ANK2: variants seen among roughly 807,000 people sequenced by gnomAD.
ANK2 encodes ankyrin-2.
ANK2 carries 83 observed loss-of-function variants against 360.5 expected under a neutral mutation model. The observed-to-expected ratio is 0.23, with a 90% confidence interval of 0.19 to 0.28. ANK2 has a LOEUF of 0.28. Ranked by LOEUF, ANK2 falls within the 10% of genes least tolerant of loss-of-function variation. The probability of loss-of-function intolerance (pLI) is 1.00; values close to 1 mark genes in which losing one functional copy is unlikely to be tolerated. For missense variants in ANK2, 4,201 were observed against 4,795.7 expected, an observed-to-expected ratio of 0.88 and a Z score of 3.66; for synonymous variants, 1,740 against 1,759.5, an observed-to-expected ratio of 0.99 and a Z score of 0.28.
intron 1 of ANK2, among the ~76,000 whole-genome samples, chr4:113,073,389 A>G (rs917975282): frequency 6.6e-6 from 1 of 152,152 alleles, no homozygotes; most frequent in Non-Finnish European, 1.5e-5. Flanking sequence ...TTAGACTTCT[A>G]CTAAATAAAA....
chr4:113,027,704 T>G (rs1388764127), intron 2 of ANK2, among the ~76,000 whole-genome samples: 14 of 152,168 alleles, frequency 9.2e-5, no homozygotes, highest in Admixed American at 9.2e-4. Context: ...CCTGCTGGCC[T>G]ATTATTTGCA....
chr4:113,202,506 A>G (rs72898029), intron 4 of ANK2, among the ~76,000 whole-genome samples: 7 of 152,334 alleles, frequency 4.6e-5, no homozygotes, highest in African/African-American at 1.7e-4. Flanking sequence ...CATAATTTAA[A>G]CCACTGAAAT....
chr4:112,976,243 G>A (rs2041364174), intron 2 of ANK2, among the ~76,000 whole-genome samples: 1 of 151,722 alleles, frequency 6.6e-6, no homozygotes, highest in Non-Finnish European at 1.5e-5. Flanking sequence ...ATCCAGGCTG[G>A]AATGCAGGGG....
At chr4:112,783,029 C>T in the ANK2 span, among the ~76,000 whole-genome samples, 1 of 152,060 alleles carries the variant, frequency 6.6e-6, no homozygotes, top group Non-Finnish European at 1.5e-5. Context: ...CTTGCTTCAG[C>T]CTCCCGAGTA....
intron 2 of ANK2, among the ~76,000 whole-genome samples, chr4:112,985,256 A>G (rs953497845): frequency 6.6e-6 from 1 of 152,210 alleles, no homozygotes; most frequent in Non-Finnish European, 1.5e-5. Flanking sequence ...TGAGTGTGTC[A>G]GCAAACTTGT....
At chr4:112,797,141 T>A in the ANK2 span, 2 of 189,742 alleles carry the variant, frequency 1.1e-5, no homozygotes, top group African/African-American at 4.7e-5. Context: ...CTAAGGGCAA[T>A]TTTTTTCTCC....
the ANK2 span, among the ~76,000 whole-genome samples, chr4:112,804,326 A>G: frequency 6.6e-6 from 1 of 152,116 alleles, no homozygotes; most frequent in Admixed American, 6.6e-5. Context: ...GGCCAATCTC[A>G]CAGTTTTTAA....
the ANK2 span, among the ~76,000 whole-genome samples, chr4:112,785,383 T>G: frequency 3.4e-5 from 5 of 148,842 alleles, no homozygotes; most frequent in Non-Finnish European, 7.4e-5. Flanking sequence ...CTTTTTTTCC[T>G]TTTTTTTTGA....
chr4:113,219,688 AGAT>A (rs201671384), intron 4 of ANK2, among the ~76,000 whole-genome samples: 4,242 of 152,274 alleles, frequency 0.028, 96 homozygotes, highest in East Asian at 0.067. Flanking sequence ...TTTTCTCTGC[AGAT>A]GATGTGTCTC....
chr4:113,072,625 G>A (rs1327375727), intron 1 of ANK2, among the ~76,000 whole-genome samples: 2 of 152,092 alleles, frequency 1.3e-5, no homozygotes, highest in Non-Finnish European at 2.9e-5. Context: ...TGTGTACGGA[G>A]GTTCTGAATT....
chr4:112,903,704 C>A (rs1030179835), intron 1 of ANK2, among the ~76,000 whole-genome samples: 3 of 152,152 alleles, frequency 2.0e-5, no homozygotes, highest in African/African-American at 7.2e-5. Context: ...CTTGTCCAAT[C>A]TCTTGATATT....
the ANK2 span, among the ~76,000 whole-genome samples, chr4:112,786,793 G>C: frequency 6.9e-6 from 1 of 143,904 alleles, no homozygotes; most frequent in Non-Finnish European, 1.5e-5. Flanking sequence ...TTGTCGCACA[G>C]GCTGGAGTGC....
the ANK2 span, among the ~76,000 whole-genome samples, chr4:112,742,394 CTA>C: frequency 2.5e-5 from 3 of 117,738 alleles, no homozygotes; most frequent in East Asian, 3.2e-4. Flanking sequence ...TCACTGAATT[CTA>C]TGTGTGTGTG....
chr4:113,051,271 G>T (rs867402511), intron 1 of ANK2, among the ~76,000 whole-genome samples: 1 of 152,092 alleles, frequency 6.6e-6, no homozygotes, highest in East Asian at 1.9e-4. Context: ...TCAAAATCCC[G>T]TATTTTCTCT....
Position 113,357,891 on chromosome 4 carries a change from G to T in ANK2, c.9273G>T (p.Glu3091Asp), listed in dbSNP as rs2154028686. The change falls in exon 38 of 46, where the codon GAG (glutamate) becomes GAT (aspartate). Residue 3091 changes from glutamate to aspartate, a missense_variant. Physicochemically the swap from Glu to Asp is conservative, Grantham distance 45 (BLOSUM62 2). Around this residue, in one of 4 missense-constraint regions of ANK2, gnomAD observed 2,642 missense variants for 2,714.5 expected, o/e 0.97. Transcript: ENST00000357077. ...DTTPARTPTE[E>D]GTPTSEQNPF... is the part of the protein sequence containing the mutation. ...CTCCTGCTAGGACCCCAACTGAAGA[G>T]GGGACCCCAACAAGTGAGCAAAACC... 3 of 1,614,052 alleles carry T rather than the reference G, an allele frequency of 1.9e-6. 1 individual carries two copies. The East Asian group carries it at 6.7e-5, about 36-fold the overall frequency.
chr4:112,920,068 G>T (rs1397926488), intron 2 of ANK2, among the ~76,000 whole-genome samples: 1 of 152,094 alleles, frequency 6.6e-6, no homozygotes, highest in African/African-American at 2.4e-5. Context: ...TTTAAGTATT[G>T]TAGGAGTAAA....
intron 4 of ANK2, among the ~76,000 whole-genome samples, chr4:113,222,788 T>G (rs2153496676): frequency 6.6e-6 from 1 of 152,320 alleles, no homozygotes. Flanking sequence ...ATTGGATAGT[T>G]TAACTATGAA....
chr4:112,758,447 G>A, the ANK2 span, among the ~76,000 whole-genome samples: 1 of 151,994 alleles, frequency 6.6e-6, no homozygotes, highest in Non-Finnish European at 1.5e-5. Flanking sequence ...GTCTCACTCT[G>A]TCGCCCAGGC....
At chr4:112,767,553 C>A in the ANK2 span, among the ~76,000 whole-genome samples, 1 of 127,470 alleles carries the variant, frequency 7.8e-6, no homozygotes, top group African/African-American at 3.2e-5. Flanking sequence ...GGTGTCAGAG[C>A]GAGACCCTGT....
Sources: allele counts gnomAD v4.1 joint callset (sites outside exome capture counted in the v4.1 genomes callset), GRCh38; gene constraint gnomAD v4.1.1; regional missense constraint gnomAD v4.1.1; transcripts MANE v1.5; gene names NCBI Gene and HGNC (gene_info 2026-07-23, HGNC 2026-07-21).